STARD13: variants seen among roughly 807,000 people sequenced by gnomAD.
The protein encoded by STARD13 is stAR-related lipid transfer protein 13.
A neutral mutation model predicts 106.4 loss-of-function variants in STARD13; 62 were observed. The observed-to-expected ratio is 0.58, with a 90% CI of 0.48 to 0.72. The LOEUF is 0.72. Among genes scored for constraint, STARD13 ranks in the 30% least tolerant of loss-of-function variants. The pLI is 0.00. For synonymous variants in STARD13, 565 were observed against 553.0 expected, an observed-to-expected ratio of 1.02 and a Z score of -0.31; for missense variants, 1,387 against 1,424.0, an observed-to-expected ratio of 0.97 and a Z score of 0.42.
the STARD13 span, among the ~76,000 whole-genome samples, chr13:33,602,901 T>C: frequency 1.3e-5 from 2 of 152,174 alleles, no homozygotes; most frequent in Non-Finnish European, 2.9e-5. Flanking sequence ...CCCCTGGCTG[T>C]AGAAAAATTG....
At chr13:33,591,387 A>T in the STARD13 span, among the ~76,000 whole-genome samples, 3 of 152,244 alleles carry the variant, frequency 2.0e-5, no homozygotes, top group African/African-American at 7.2e-5. Context: ...CATGTGTTAT[A>T]TGCATATATC....
chr13:33,117,713 A>T, intron 8 of STARD13: 1 of 916,982 alleles, frequency 1.1e-6, no homozygotes, highest in Non-Finnish European at 1.3e-6. Flanking sequence ...CTTTTTTAAA[A>T]AATTGAATAA....
the STARD13 span, among the ~76,000 whole-genome samples, chr13:33,457,095 T>C: frequency 6.6e-6 from 1 of 152,172 alleles, no homozygotes; most frequent in Non-Finnish European, 1.5e-5. Context: ...TCCACCCAAG[T>C]TTTAGGCTCA....
At chr13:33,453,861 C>G in the STARD13 span, among the ~76,000 whole-genome samples, 1 of 152,184 alleles carries the variant, frequency 6.6e-6, no homozygotes, top group African/African-American at 2.4e-5. Context: ...TCTATTCTTG[C>G]AACTTCTGCA....
At chr13:33,250,637 T>C (rs1289019350) in intron 1 of STARD13, among the ~76,000 whole-genome samples, 1 of 152,256 alleles carries the variant, frequency 6.6e-6, no homozygotes, top group Non-Finnish European at 1.5e-5. Flanking sequence ...TCTGTATTTA[T>C]ATAATATGAA....
At chr13:33,251,799 A>G (rs558111485) in intron 1 of STARD13, among the ~76,000 whole-genome samples, 1 of 152,160 alleles carries the variant, frequency 6.6e-6, no homozygotes, top group Non-Finnish European at 1.5e-5. Flanking sequence ...TTAGAAGTCT[A>G]CTCTGCAAAC....
In STARD13 at chr13:33,105,672, T is replaced by A; in HGVS notation, c.3263A>T (p.His1088Leu). 1.9e-6 allele frequency: 3 copies of A among 1,614,254 alleles called. No homozygotes were observed. The highest frequency in any genetic ancestry group is 2.5e-6 in the Non-Finnish European group (3 of 1,180,034). The change falls in exon 14 of 14, where the codon CAT becomes CTT. Residue 1088 changes from histidine (H) to leucine (L), a missense_variant. Transcript: ENST00000336934. ...SPEWYSKGFG[H>L]LCAAEVARIR... ...CCTGGCAACTTCTGCTGCACACAGA[T>A]GTCCAAAGCCTTTGCTGTACCATTC... is the stretch of plus-strand genomic sequence containing the variant.
the STARD13 span, among the ~76,000 whole-genome samples, chr13:33,528,257 C>CATATATATATATATACATATAT: frequency 7.5e-5 from 7 of 92,926 alleles, no homozygotes; most frequent in African/African-American, 4.6e-4. Context: ...TATATATATA[C>CATATATATATATATACATATAT]ATATATATAT....
chr13:33,598,561 A>G, the STARD13 span, among the ~76,000 whole-genome samples: 4 of 152,256 alleles, frequency 2.6e-5, no homozygotes, highest in Non-Finnish European at 5.9e-5. Context: ...AATATGTGAG[A>G]AAAAGTTTTA....
the STARD13 span, among the ~76,000 whole-genome samples, chr13:33,358,425 A>G: frequency 5.3e-5 from 8 of 152,016 alleles, no homozygotes; most frequent in African/African-American, 1.9e-4. Flanking sequence ...GATCCACTAG[A>G]TGAAGCCAGC....
chr13:33,599,291 T>A, the STARD13 span, among the ~76,000 whole-genome samples: 1 of 152,198 alleles, frequency 6.6e-6, no homozygotes, highest in Non-Finnish European at 1.5e-5. Flanking sequence ...AACTAGATTA[T>A]TTCCTTTATA....
At chr13:33,673,778 C>A in the STARD13 span, among the ~76,000 whole-genome samples, 2 of 151,984 alleles carry the variant, frequency 1.3e-5, no homozygotes, top group Middle Eastern at 3.2e-3. Context: ...GTCCTGTGAT[C>A]TGCCTGCCTT....
intron 1 of STARD13, among the ~76,000 whole-genome samples, chr13:33,218,329 G>A (rs74045707): frequency 4.9e-4 from 74 of 152,306 alleles, no homozygotes; most frequent in African/African-American, 1.7e-3. Flanking sequence ...TTTGGGTTAA[G>A]TGAAGGTTTC....
the STARD13 span, among the ~76,000 whole-genome samples, chr13:33,408,433 T>G: frequency 0.021 from 3,191 of 151,830 alleles, 112 homozygotes; most frequent in African/African-American, 0.074. Context: ...AATGGTTCAT[T>G]TCATTTAACA....
At chr13:33,151,633 C>G (rs77263599) in intron 3 of STARD13, among the ~76,000 whole-genome samples, 4,907 of 152,264 alleles carry the variant, frequency 0.032, 272 homozygotes, top group African/African-American at 0.11. Context: ...CCTGGACAAG[C>G]AGGCAGGGGC....
chr13:33,273,292 A>T lies in STARD13; in HGVS notation c.169+12178T>A, dbSNP rs117373833. Among the ~76,000 whole-genome samples, 78 of 152,348 alleles carry T rather than the reference A, an allele frequency of 5.1e-4. 1 individual carries two copies. In the East Asian group the frequency reaches 0.014, roughly 28 times the overall value. On this transcript the variant is annotated intron_variant, in intron 1 of 13. Transcript: ENST00000336934. ...TGTCATGCACTACACTGGTGAAGGA[A>T]TTAATATGACAACCGTTTTTCAGGG...
In STARD13 at chr13:33,243,638, C is replaced by A. The variant is rs143292433; in HGVS notation, c.169+41832G>T. ...GTGTGGCTGAGACACTTGTGACAGG[C>A]CAGGGATAATGGTGTCCCGGACTCA... On this transcript the variant is annotated intron_variant, in intron 1 of 13. Coordinates refer to ENST00000336934, the MANE Select transcript of STARD13 (RefSeq NM_178006.4). 2.8e-4 allele frequency among the ~76,000 whole-genome samples: 43 copies of A among 152,222 alleles called. No individual in the cohort carries two copies. In the East Asian group the frequency reaches 8.1e-3, roughly 29 times the overall value.
the STARD13 span, among the ~76,000 whole-genome samples, chr13:33,542,732 A>C: frequency 6.6e-6 from 1 of 152,208 alleles, no homozygotes; most frequent in Non-Finnish European, 1.5e-5. Context: ...GGCTGGTTGC[A>C]GCGCACATTT....
chr13:33,574,062 A>G, the STARD13 span, among the ~76,000 whole-genome samples: 1 of 152,230 alleles, frequency 6.6e-6, no homozygotes, highest in Non-Finnish European at 1.5e-5. Flanking sequence ...GACAAAAATC[A>G]TGATCCTTGC....
Sources: allele counts gnomAD v4.1 joint callset (sites outside exome capture counted in the v4.1 genomes callset), GRCh38; gene constraint gnomAD v4.1.1; transcripts MANE v1.5; gene names NCBI Gene and HGNC (gene_info 2026-07-23, HGNC 2026-07-21).